Variants in DNAJC3 observed in about 807,000 individuals in gnomAD.
The protein encoded by DNAJC3 is dnaJ homolog subfamily C member 3.
DNAJC3 carries 38 observed loss-of-function variants against 68.6 expected under a neutral mutation model. That is an observed-to-expected ratio of 0.55 (90% confidence interval 0.43 to 0.73). The LOEUF (loss-of-function observed/expected upper bound fraction) is 0.73. DNAJC3 is among the 30% of genes least tolerant of loss of function. The probability of loss-of-function intolerance (pLI) is 0.00; values close to 1 mark genes in which losing one functional copy is unlikely to be tolerated. For missense variants in DNAJC3, 526 were observed against 591.9 expected (o/e 0.89, Z 1.16); for synonymous variants, 203 against 204.0 (o/e 1.00, Z 0.04).
At position 95,739,738 on chromosome 13, in the gene DNAJC3, C is replaced by T. The variant is rs1192835187; in HGVS notation, c.393+14486C>T. ...CTAAATTTTTTTCAAAGTTTTCAAC[C>T]TCTTTGCCTTTGGTTTGAATGTCCT... is the stretch of plus-strand genomic sequence containing the variant. On this transcript the variant is annotated intron_variant, in intron 4 of 11. Transcript: ENST00000602402. Among the ~76,000 whole-genome samples the T allele has an allele frequency of 2.0e-3, 305 of 151,960 alleles. 4 individuals carry two copies. The highest frequency in any genetic ancestry group is 6.8e-3 in the African/African-American group (284 of 41,466).
chr13:95,709,205 T>C, intron 1 of DNAJC3, 22 bp from the exon 2 acceptor site: 2 of 1,481,354 alleles, frequency 1.4e-6, no homozygotes, highest in Non-Finnish European at 1.8e-6. Flanking sequence ...AGTTAACTGA[T>C]TGTTTTTAAT....
At chr13:95,768,334 T>G (rs563009770) in intron 9 of DNAJC3, among the ~76,000 whole-genome samples, 2 of 152,204 alleles carry the variant, frequency 1.3e-5, no homozygotes, top group Non-Finnish European at 2.9e-5. Flanking sequence ...ACTGTACTCA[T>G]TTTCAGGTTG....
At chr13:95,781,528 T>C (rs942578046) in intron 9 of DNAJC3, among the ~76,000 whole-genome samples, 19 of 152,138 alleles carry the variant, frequency 1.2e-4, no homozygotes, top group African/African-American at 4.6e-4. Context: ...AGTGCTACTA[T>C]GATTATATTA....
At chr13:95,735,070 G>A (rs185897576) in intron 4 of DNAJC3, among the ~76,000 whole-genome samples, 66 of 150,640 alleles carry the variant, frequency 4.4e-4, no homozygotes, top group African/African-American at 1.5e-3. Context: ...AACATGCAGT[G>A]TTTTGTTTTT....
chr13:95,697,376 A>G (rs1211478021), intron 1 of DNAJC3, among the ~76,000 whole-genome samples: 3 of 152,114 alleles, frequency 2.0e-5, no homozygotes, highest in East Asian at 3.9e-4. Context: ...TTGGCATGTA[A>G]GGTTTCTGCT....
intron 1 of DNAJC3, among the ~76,000 whole-genome samples, chr13:95,684,661 G>A (rs1880023640): frequency 6.6e-6 from 1 of 152,194 alleles, no homozygotes; most frequent in Non-Finnish European, 1.5e-5. Flanking sequence ...CGACCTTTAA[G>A]GCAGCTCCTT....
intron 4 of DNAJC3, among the ~76,000 whole-genome samples, chr13:95,734,967 C>A (rs1881852036): frequency 8.3e-6 from 1 of 119,910 alleles, no homozygotes. Context: ...TATCCCTCCC[C>A]CCTCCCCCCC....
At chr13:95,769,270 T>C (rs1475118812) in intron 9 of DNAJC3, among the ~76,000 whole-genome samples, 2 of 152,176 alleles carry the variant, frequency 1.3e-5, no homozygotes, top group Non-Finnish European at 2.9e-5. Context: ...CAGGCCTGCC[T>C]CCTGGGCATG....
At chr13:95,734,270 T>A (rs897717405) in intron 4 of DNAJC3, among the ~76,000 whole-genome samples, 4 of 152,210 alleles carry the variant, frequency 2.6e-5, no homozygotes, top group African/African-American at 7.2e-5. Flanking sequence ...TCTCCTTCAT[T>A]TATGAAGGAT....
intron 9 of DNAJC3, among the ~76,000 whole-genome samples, chr13:95,767,666 C>T (rs1883029680): frequency 6.6e-6 from 1 of 151,178 alleles, no homozygotes; most frequent in African/African-American, 2.4e-5. Context: ...CTGATTCTTC[C>T]ACATCCTCGT....
Position 95,763,941 on chromosome 13 carries a change from A to G in DNAJC3, c.1063A>G (p.Met355Val). 1 of 1,613,926 alleles carries G rather than the reference A, an allele frequency of 6.2e-7. No individual in the cohort carries two copies. Among genetic ancestry groups the G allele is most frequent in the Non-Finnish European group, 8.5e-7 (1 of 1,179,876 alleles). Residue 355 changes from methionine (M) to valine (V), a missense_variant, in exon 9 of 12, where the codon ATG becomes GTG. By Grantham distance (21) the Met-to-Val change is conservative (BLOSUM62 1). Coordinates refer to ENST00000602402, the MANE Select transcript of DNAJC3 (RefSeq NM_006260.5). ...AGCAGAGGCCTATTTGATAGAGGAA[A>G]TGTATGATGAAGGTAAATCTTTAAG... The part of the protein sequence containing the change: ...DRAEAYLIEE[M>V]YDEAIQDYET...
chr13:95,690,950 G>A (rs1402191142), intron 1 of DNAJC3, among the ~76,000 whole-genome samples: 7 of 137,664 alleles, frequency 5.1e-5, no homozygotes, highest in African/African-American at 8.2e-5. Flanking sequence ...CGGACGGGGC[G>A]GCTGGCCGGG....
At chr13:95,760,465 TTACTA>T (rs1308086162) in intron 6 of DNAJC3, among the ~76,000 whole-genome samples, 1 of 152,232 alleles carries the variant, frequency 6.6e-6, no homozygotes, top group Non-Finnish European at 1.5e-5. Context: ...AATGGAATGT[TTACTA>T]TATAATGCTA....
At chr13:95,684,074 G>A (rs543937725) in intron 1 of DNAJC3, among the ~76,000 whole-genome samples, 3 of 152,294 alleles carry the variant, frequency 2.0e-5, no homozygotes, top group East Asian at 1.9e-4. Flanking sequence ...ACTTTGGAAT[G>A]GGGTAATGGG....
chr13:95,786,174 A>C, intron 10 of DNAJC3, 103 bp downstream of exon 10: 1 of 1,233,068 alleles, frequency 8.1e-7, no homozygotes, highest in Non-Finnish European at 1.1e-6. Flanking sequence ...TTACTTATGT[A>C]ATTTCAGTCA....
chr13:95,738,806 G>A (rs145544882), intron 4 of DNAJC3, among the ~76,000 whole-genome samples: 17,408 of 151,930 alleles, frequency 0.11, 1,116 homozygotes, highest in Middle Eastern at 0.2. Flanking sequence ...TTTAATTGGA[G>A]CATTTAGTCC....
At chr13:95,782,418 C>A (rs527697607) in intron 9 of DNAJC3, among the ~76,000 whole-genome samples, 3 of 152,320 alleles carry the variant, frequency 2.0e-5, no homozygotes, top group Admixed American at 6.5e-5. Flanking sequence ...ACTCTCCCAC[C>A]AACAGTGTAA....
intron 3 of DNAJC3, among the ~76,000 whole-genome samples, chr13:95,723,788 A>G (rs532934696): frequency 1.1e-4 from 17 of 152,334 alleles, no homozygotes; most frequent in African/African-American, 3.6e-4. Context: ...TGTGGTGACA[A>G]TAAAATGCTA....
At chr13:95,730,531 T>C (rs1031955180) in intron 4 of DNAJC3, among the ~76,000 whole-genome samples, 1 of 152,178 alleles carries the variant, frequency 6.6e-6, no homozygotes, top group Non-Finnish European at 1.5e-5. Context: ...CATATAGATA[T>C]CCAGTTTTCA....
Sources: allele counts gnomAD v4.1 joint callset (sites outside exome capture counted in the v4.1 genomes callset), GRCh38; gene constraint gnomAD v4.1.1; transcripts MANE v1.5; gene names NCBI Gene and HGNC (gene_info 2026-07-23, HGNC 2026-07-21).